The following AGPAT5 variants were observed in gnomAD, a reference collection of about 807,000 sequenced individuals.
AGPAT5 encodes the protein 1-acyl-sn-glycerol-3-phosphate acyltransferase epsilon.
Under a neutral mutation model 45.6 loss-of-function variants are expected in AGPAT5, and 46 were observed. The observed-to-expected ratio is 1.01, with a 90% CI of 0.80 to 1.29. The LOEUF (loss-of-function observed/expected upper bound fraction) is 1.29, where lower values mean the gene tolerates loss of function less well. Among genes scored for constraint, AGPAT5 ranks in the 50% most tolerant of loss-of-function variants. AGPAT5 has a pLI of 0.00. For synonymous variants in AGPAT5, 272 were observed against 167.0 expected (o/e 1.63, Z -4.85); for missense variants, 673 against 450.7 (o/e 1.49, Z -4.47).
At chr8:6,724,650 A>G (rs1000965293) in intron 1 of AGPAT5, among the ~76,000 whole-genome samples, 2 of 98,530 alleles carry the variant, frequency 2.0e-5, no homozygotes, top group Admixed American at 1.2e-4. Context: ...GATATTGATT[A>G]TTCTATTTTA....
At chr8:6,726,328 C>A (rs1800685199) in intron 2 of AGPAT5, among the ~76,000 whole-genome samples, 1 of 152,182 alleles carries the variant, frequency 6.6e-6, no homozygotes, top group African/African-American at 2.4e-5. Flanking sequence ...ATTTGATTTT[C>A]CTGCATTTCC....
chr8:6,740,016 A>G (rs1039538809), intron 4 of AGPAT5, among the ~76,000 whole-genome samples: 1 of 152,020 alleles, frequency 6.6e-6, no homozygotes, highest in Non-Finnish European at 1.5e-5. Context: ...TCACTTGTCC[A>G]TGAAGGGAAG....
At chr8:6,728,236 T>G (rs1365582462) in intron 2 of AGPAT5, among the ~76,000 whole-genome samples, 1 of 152,240 alleles carries the variant, frequency 6.6e-6, no homozygotes, top group Admixed American at 6.5e-5. Context: ...ACAGCCAAAT[T>G]TATTGCTATC....
Position 6,758,647 on chromosome 8 carries a change from A to T in AGPAT5, c.*1259A>T, listed in dbSNP as rs1173825649. ...GACTGAACGAATTTGTTTATTTCCC[A>T]TTAGGTTTAGTGGAGCTACACATTA... On this transcript the variant is annotated 3_prime_UTR_variant, in exon 8 of 8. Transcript: ENST00000285518. The T allele has an allele frequency of 6.6e-6, 1 of 152,628 alleles. No individual in the cohort carries two copies. Among genetic ancestry groups the T allele is most frequent in the Non-Finnish European group, 1.5e-5 (1 of 68,034 alleles). 9.5% of individuals were successfully genotyped at this position (152,628 alleles called of 1,614,324 possible).
chr8:6,757,083 G>T, intron 7 of AGPAT5, 80 bp from the exon 8 acceptor site: 2 of 1,078,312 alleles, frequency 1.9e-6, no homozygotes, highest in Non-Finnish European at 2.7e-6. Context: ...TTTCCAGCGT[G>T]TAATAGCTAC....
rs369130655 is a variant in AGPAT5 at position 6,753,464 on chromosome 8, G to A, written c.746-1587G>A. On this transcript the variant is annotated intron_variant, in intron 6 of 7. Transcript: ENST00000285518. ...ATGTGTCAGAAATAGAAATAAGATA[G>A]GGTGAGAAGTAATTTGTGGCTAAAA... Among the ~76,000 whole-genome samples, 4 of 152,198 alleles carry A rather than the reference G, an allele frequency of 2.6e-5. No individual in the cohort carries two copies. The East Asian group carries it at 5.8e-4, about 22-fold the overall frequency.
chr8:6,721,453 T>G (rs929936029), intron 1 of AGPAT5, among the ~76,000 whole-genome samples: 10 of 152,236 alleles, frequency 6.6e-5, no homozygotes, highest in African/African-American at 2.2e-4. Context: ...TAATGACAGG[T>G]TAACCTATTT....
rs1563295313 is a variant in AGPAT5 at position 6,735,848 on chromosome 8, C to CTTTTTTTTTTTTTTTTTTTTTTTTTTT, written c.495+3198_495+3199insTTTTTTTTTTTTTTTTTTTTTTTTTTT. The stretch of plus-strand genomic sequence containing the variant: ...GTGTTCCTGTTTATTCTTTATATAG[C>CTTTTTTTTTTTTTTTTTTTTTTTTTTT]CTTTTTTTTTTTTTTTTTTTTTTTG... On this transcript the variant is annotated intron_variant, in intron 4 of 7. Coordinates refer to ENST00000285518, the MANE Select transcript of AGPAT5 (RefSeq NM_018361.5). Among the ~76,000 whole-genome samples the CTTTTTTTTTTTTTTTTTTTTTTTTTTT allele has an allele frequency of 1.7e-4, 9 of 53,614 alleles. 4 individuals are homozygous for CTTTTTTTTTTTTTTTTTTTTTTTTTTT. The highest frequency in any genetic ancestry group is 1.2e-4 in the Non-Finnish European group (3 of 25,736). 35.2% of individuals were successfully genotyped at this position (53,614 alleles called of 152,430 possible). A position where few individuals can be genotyped will look rare whatever the true frequency, so the allele number is the denominator to read the frequency against.
At chr8:6,721,641 C>G (rs1273161876) in intron 1 of AGPAT5, among the ~76,000 whole-genome samples, 1 of 152,128 alleles carries the variant, frequency 6.6e-6, no homozygotes, top group Admixed American at 6.6e-5. Flanking sequence ...GATGAGGATT[C>G]AAATTCAAGT....
At chr8:6,733,139 A>G (rs558303619) in intron 4 of AGPAT5, among the ~76,000 whole-genome samples, 72 of 152,382 alleles carry the variant, frequency 4.7e-4, no homozygotes, top group African/African-American at 1.7e-3. Flanking sequence ...TTTATTCCAC[A>G]AAAGTGGGGA....
rs114194392 is a variant in AGPAT5 at position 6,717,373 on chromosome 8, A to T, written c.220-7497A>T. On this transcript the variant is annotated intron_variant, in intron 1 of 7. Transcript: ENST00000285518. ...GCATGAGAATTCCAGGGGCGGAAAGAAAGGAGGGTGATGGTACCTGGAAAG... is the reference window on the plus strand; with the variant it reads ...GCATGAGAATTCCAGGGGCGGAAAGTAAGGAGGGTGATGGTACCTGGAAAG... 8.3e-3 allele frequency among the ~76,000 whole-genome samples: 1,260 copies of T among 152,258 alleles called. 23 individuals are homozygous for T. Among genetic ancestry groups the T allele is most frequent in the African/African-American group, 0.028 (1,181 of 41,550 alleles).
rs987973779 is a variant in AGPAT5, at chr8:6,757,748, A to AT, written c.*364dup. ...TGCAGCGTATTTCACTTTTTCTGTT[A>AT]TTTTCAATTTATTACAACTTGACAG... is the stretch of plus-strand genomic sequence containing the variant. On this transcript the variant is annotated 3_prime_UTR_variant, in exon 8 of 8. Coordinates refer to ENST00000285518, the MANE Select transcript of AGPAT5 (RefSeq NM_018361.5). The AT allele has an allele frequency of 5.9e-6, 1 of 170,562 alleles. No individual in the cohort carries two copies. Among genetic ancestry groups the AT allele is most frequent in the Non-Finnish European group, 1.3e-5 (1 of 79,660 alleles). 10.6% of individuals were successfully genotyped at this position (170,562 alleles called of 1,614,324 possible).
intron 6 of AGPAT5, among the ~76,000 whole-genome samples, chr8:6,751,915 A>G (rs1181188140): frequency 6.6e-6 from 1 of 152,028 alleles, no homozygotes; most frequent in Admixed American, 6.6e-5. Context: ...ACAGTGGCTC[A>G]CGCGTGTAAT....
intron 4 of AGPAT5, among the ~76,000 whole-genome samples, chr8:6,733,054 A>G (rs1449918853): frequency 6.6e-6 from 1 of 152,244 alleles, no homozygotes; most frequent in Non-Finnish European, 1.5e-5. Context: ...AATGTCTTAC[A>G]TGTACAGAAA....
intron 1 of AGPAT5, among the ~76,000 whole-genome samples, chr8:6,718,556 T>A (rs1800405865): frequency 6.6e-6 from 1 of 152,244 alleles, no homozygotes; most frequent in Non-Finnish European, 1.5e-5. Context: ...TGGCAAGTTC[T>A]GTTAGATGTA....
intron 1 of AGPAT5, among the ~76,000 whole-genome samples, chr8:6,720,531 AC>A (rs1800464004): frequency 6.6e-6 from 1 of 152,010 alleles, no homozygotes; most frequent in Non-Finnish European, 1.5e-5. Flanking sequence ...GAGTTAAATG[AC>A]CCCAATATTG....
chr8:6,717,215 C>A (rs763964158), intron 1 of AGPAT5, among the ~76,000 whole-genome samples: 1 of 152,164 alleles, frequency 6.6e-6, no homozygotes, highest in Non-Finnish European at 1.5e-5. Flanking sequence ...TATGTTGTTT[C>A]TTCTGTTTCT....
rs1334705415 is a variant in AGPAT5, at chr8:6,730,790, A to T, written c.369A>T (p.Leu123Phe). ...GHVRYVLKEGLKWLPLYGCYF... is the reference protein window; with the variant it reads ...GHVRYVLKEGFKWLPLYGCYF... ...TGCGCTACGTGCTGAAAGAAGGGTT[A>T]AAATGGCTGCCATTGTATGGGTGTT... Residue 123 changes from leucine to phenylalanine, a missense_variant, in exon 3 of 8, where the codon TTA (leucine) becomes TTT (phenylalanine). Leu to Phe is a conservative substitution (Grantham distance 22). Transcript: ENST00000285518. 3.7e-6 allele frequency: 6 copies of T among 1,613,556 alleles called. No individual in the cohort carries two copies. Among genetic ancestry groups the T allele is most frequent in the Non-Finnish European group, 5.1e-6 (6 of 1,179,554 alleles).
intron 2 of AGPAT5, among the ~76,000 whole-genome samples, chr8:6,728,865 A>G (rs950647002): frequency 5.3e-5 from 8 of 152,194 alleles, no homozygotes; most frequent in African/African-American, 1.9e-4. Flanking sequence ...CTTCCATCTA[A>G]ATTAGAAGGG....
Sources: gnomAD v4.1 joint callset for allele counts (sites outside exome capture counted in the v4.1 genomes callset) on GRCh38, gnomAD v4.1.1 for gene constraint, MANE v1.5 for transcripts, NCBI Gene and HGNC (gene_info 2026-07-23, HGNC 2026-07-21) for gene names.